The following RNF135 variants were observed in gnomAD, a reference collection of about 807,000 sequenced individuals.
RNF135 encodes the protein E3 ubiquitin-protein ligase RNF135.
Under a neutral mutation model 41.9 loss-of-function variants are expected in RNF135, and 46 were observed. The observed-to-expected ratio is 1.10, with a 90% CI of 0.87 to 1.40. The LOEUF is 1.40. Ranked by LOEUF, RNF135 falls within the 40% of genes most tolerant of loss-of-function variation. The probability of loss-of-function intolerance (pLI) is 0.00; values close to 1 mark genes in which losing one functional copy is unlikely to be tolerated. For synonymous variants in RNF135, 238 were observed against 223.8 expected (o/e 1.06, Z -0.57); for missense variants, 539 against 549.8 (o/e 0.98, Z 0.20).
At chr17:30,983,336 TATATA>T (rs1907315671) in intron 1 of RNF135, among the ~76,000 whole-genome samples, 17 of 28,898 alleles carry the variant, frequency 5.9e-4, no homozygotes, top group South Asian at 1.4e-3. Context: ...TATATATATA[TATATA>T]TATATATATA....
chr17:30,978,192 T>C (rs1906634516), intron 1 of RNF135, among the ~76,000 whole-genome samples: 1 of 152,214 alleles, frequency 6.6e-6, no homozygotes, highest in African/African-American at 2.4e-5. Context: ...GGAGTTTTAT[T>C]ATAAATGCCT....
chr17:30,977,258 C>G (rs1906541269), intron 1 of RNF135, among the ~76,000 whole-genome samples: 1 of 152,112 alleles, frequency 6.6e-6, no homozygotes, highest in East Asian at 1.9e-4. Context: ...TCATCCCCTG[C>G]TATTTAATTT....
chr17:30,964,010 A>G, the RNF135 span, among the ~76,000 whole-genome samples: 1 of 152,220 alleles, frequency 6.6e-6, no homozygotes, highest in African/African-American at 2.4e-5. Context: ...ATCATTTATT[A>G]TGAAGTGGAG....
intron 3 of RNF135, chr17:30,993,780 T>G: frequency 1.0e-6 from 1 of 972,300 alleles, no homozygotes; most frequent in Non-Finnish European, 1.5e-6. Context: ...CTTTTTCTTT[T>G]GTTTATAATC....
At chr17:30,981,893 C>G (rs1018737990) in intron 1 of RNF135, among the ~76,000 whole-genome samples, 1 of 152,218 alleles carries the variant, frequency 6.6e-6, no homozygotes, top group Admixed American at 6.5e-5. Context: ...CATACGTTCT[C>G]CAAAACAGTC....
intron 1 of RNF135, among the ~76,000 whole-genome samples, chr17:30,979,862 A>AC (rs1247618919): frequency 2.6e-4 from 15 of 58,804 alleles, no homozygotes; most frequent in East Asian, 4.8e-4. Context: ...GGGGGGGCTG[A>AC]CCCCCCCACC....
intron 3 of RNF135, among the ~76,000 whole-genome samples, chr17:30,993,040 T>TTATTATTA (rs368307869): frequency 4.1e-5 from 6 of 146,290 alleles, no homozygotes; most frequent in African/African-American, 1.5e-4. Context: ...GTTTTATTTG[T>TTATTATTA]TTATTATTAT....
chr17:30,972,548 A>G (rs1382927318), intron 1 of RNF135: 3 of 151,878 alleles, frequency 2.0e-5, no homozygotes, highest in Non-Finnish European at 4.4e-5. Flanking sequence ...GTAACTCCTC[A>G]TTTCTCCTCC....
At chr17:30,979,725 CT>C (rs1490504170) in intron 1 of RNF135, among the ~76,000 whole-genome samples, 1 of 129,014 alleles carries the variant, frequency 7.8e-6, no homozygotes, top group African/African-American at 2.9e-5. Context: ...CCCCCCCCAC[CT>C]CCCTCCCGGA....
chr17:30,962,609 C>T, the RNF135 span, among the ~76,000 whole-genome samples: 26 of 152,158 alleles, frequency 1.7e-4, no homozygotes, highest in Admixed American at 3.9e-4. Context: ...GGGACACAGG[C>T]GCCTGCTACC....
intron 1 of RNF135, among the ~76,000 whole-genome samples, chr17:30,981,022 T>G (rs1598087724): frequency 7.2e-6 from 1 of 138,056 alleles, no homozygotes. Context: ...GGCTGGGAGG[T>G]GGTTGTAGCG....
intron 2 of RNF135, among the ~76,000 whole-genome samples, chr17:30,986,500 T>G (rs1048066384): frequency 1.3e-5 from 2 of 152,204 alleles, no homozygotes; most frequent in Non-Finnish European, 2.9e-5. Flanking sequence ...TGGCTGATGC[T>G]TTTGTTCTTT....
At chr17:30,975,954 A>C in intron 1 of RNF135, 1 of 489,866 alleles carries the variant, frequency 2.0e-6, no homozygotes, top group Non-Finnish European at 3.8e-6. Context: ...CAAAGTTGAG[A>C]GATGATAAAT....
In RNF135 at chr17:30,971,067, G is replaced by A. The variant is rs1905860205; in HGVS notation, c.-7G>A. ...CCCGACGTCCGCGCCCCGGCCGCCT[G>A]TTGGCCATGGCGGGCCTGGGCCTGG... On this transcript the variant is annotated 5_prime_UTR_variant, in exon 1 of 5. Coordinates refer to ENST00000328381, the MANE Select transcript of RNF135 (RefSeq NM_032322.4). 6.5e-7 allele frequency: 1 copy of A among 1,534,164 alleles called. No individual in the cohort carries two copies. The highest frequency in any genetic ancestry group is 8.7e-7 in the Non-Finnish European group (1 of 1,146,002).
chr17:30,971,131 G>A lies in RNF135; in HGVS notation c.58G>A (p.Gly20Ser). 1 of 1,533,934 alleles carries A rather than the reference G, an allele frequency of 6.5e-7. No individual in the cohort carries two copies. Residue 20 changes from glycine to serine, a missense_variant, in exon 1 of 5, where the codon GGC (glycine) becomes AGC (serine). Physicochemically the swap from Gly to Ser is moderately conservative, Grantham distance 56. Transcript: ENST00000328381. ...CGTGTGGCTGGCCGAGGACGACCTC[G>A]GCTGCATCATCTGCCAGGGGCTGCT... Reference protein sequence around the residue: ...VPVWLAEDDLGCIICQGLLDW... With the variant: ...VPVWLAEDDLSCIICQGLLDW...
At chr17:30,984,485 C>A in intron 1 of RNF135, 132 bp from the exon 2 acceptor site, 1 of 903,340 alleles carries the variant, frequency 1.1e-6, no homozygotes, top group Non-Finnish European at 1.8e-6. Flanking sequence ...TTTCTGGGTA[C>A]TCTATTGTAT....
At chr17:30,988,797 T>C (rs1907782592) in intron 3 of RNF135, among the ~76,000 whole-genome samples, 1 of 149,682 alleles carries the variant, frequency 6.7e-6, no homozygotes. Flanking sequence ...TTTGTTTTAT[T>C]TTGAGACAGA....
intron 3 of RNF135, among the ~76,000 whole-genome samples, chr17:30,994,084 C>T (rs1271294838): frequency 3.3e-5 from 5 of 152,184 alleles, no homozygotes; most frequent in South Asian, 2.1e-4. Context: ...GGATTACAGG[C>T]GTGAGCCACG....
intron 1 of RNF135, among the ~76,000 whole-genome samples, chr17:30,983,353 A>ATATATATATTTTTTTTT (rs1420453160): frequency 1.4e-4 from 5 of 35,730 alleles, no homozygotes; most frequent in Non-Finnish European, 2.1e-4. Context: ...ATATATATAT[A>ATATATATATTTTTTTTT]TTTTTTTTTT....
Sources: gnomAD v4.1 joint callset for allele counts (sites outside exome capture counted in the v4.1 genomes callset) on GRCh38, gnomAD v4.1.1 for gene constraint, MANE v1.5 for transcripts, NCBI Gene and HGNC (gene_info 2026-07-23, HGNC 2026-07-21) for gene names.